The following PLEKHA6 variants were observed in gnomAD, a reference collection of about 807,000 sequenced individuals.
PLEKHA6 encodes the protein pleckstrin homology domain-containing family A member 6.
A neutral mutation model predicts 116.7 loss-of-function variants in PLEKHA6; 60 were observed. The observed-to-expected ratio is 0.51, with a 90% CI of 0.42 to 0.64. The LOEUF (loss-of-function observed/expected upper bound fraction) is 0.64. PLEKHA6 is among the 30% of genes least tolerant of loss of function. The pLI is 0.00. For missense variants in PLEKHA6, 1,338 were observed against 1,422.7 expected, an observed-to-expected ratio of 0.94 and a Z score of 0.96; for synonymous variants, 489 against 556.1, an observed-to-expected ratio of 0.88 and a Z score of 1.70.
intron 2 of PLEKHA6, chr1:204,369,201 A>G (rs914388575): frequency 9.9e-5 from 15 of 152,188 alleles, no homozygotes; most frequent in African/African-American, 3.4e-4. Flanking sequence ...TGCCTCTGCT[A>G]GTGCATTTAA....
At position 204,228,878 on chromosome 1, in the gene PLEKHA6, G is replaced by A; in HGVS notation, c.2752-17C>T. On this transcript the variant is annotated splice_polypyrimidine_tract_variant and intron_variant, in intron 19 of 22. Transcript: ENST00000272203. This position sits in a 1 kb window ranked among gnomAD's most constrained non-coding sequence, Gnocchi z 4.0. ...AGTGGAGAGCTATGGAGGGGCTGGG[G>A]TCACCACCTCTGTCCCTTCCCAGAG... 6.2e-7 allele frequency: 1 copy of A among 1,614,052 alleles called. No individual in the cohort carries two copies. Among genetic ancestry groups the A allele is most frequent in the Non-Finnish European group, 8.5e-7 (1 of 1,179,974 alleles).
At chr1:204,248,690 C>T (rs1037921392) in intron 12 of PLEKHA6, 131 bp downstream of exon 12, 6 of 714,432 alleles carry the variant, frequency 8.4e-6, no homozygotes, top group South Asian at 1.9e-5. Flanking sequence ...TTGTTTATGC[C>T]CCTCTGCACG....
chr1:204,280,949 C>T (rs4951348), intron 1 of PLEKHA6: 336,599 of 933,902 alleles, frequency 0.36, 62,027 homozygotes, highest in East Asian at 0.54. Context: ...CCTATTGCTG[C>T]CACATAAAGA....
At chr1:204,356,373 G>A (rs1359755735) in intron 1 of PLEKHA6, among the ~76,000 whole-genome samples, 1 of 152,120 alleles carries the variant, frequency 6.6e-6, no homozygotes, top group East Asian at 1.9e-4. Context: ...AGGAGTTCAA[G>A]ACCAGCCTGG....
At chr1:204,271,187 A>G (rs954545932) in intron 3 of PLEKHA6, among the ~76,000 whole-genome samples, 64 of 152,176 alleles carry the variant, frequency 4.2e-4, no homozygotes, top group African/African-American at 1.3e-3. Flanking sequence ...GCCCAAGACA[A>G]TCTTTCTTCT....
At chr1:204,346,998 C>T (rs1237529388) in intron 1 of PLEKHA6, 1 of 1,336,914 alleles carries the variant, frequency 7.5e-7, no homozygotes, top group African/African-American at 1.4e-5. Context: ...CATTAATTCT[C>T]TTGGCAAGAA....
chr1:204,244,844 T>G lies in PLEKHA6; in HGVS notation c.2172+20A>C. On this transcript the variant is annotated intron_variant, in intron 15 of 22. Coordinates refer to ENST00000272203, the MANE Select transcript of PLEKHA6 (RefSeq NM_014935.5). ...GGTCCTCCCTCCCCCACCTACCTTC[T>G]ACTCCATTTCTCAACTTACCTCGTT... The G allele has an allele frequency of 6.5e-7, 1 of 1,548,414 alleles. No individual in the cohort carries two copies. The highest frequency in any genetic ancestry group is 8.7e-7 in the Non-Finnish European group (1 of 1,145,126).
At chr1:204,236,052 G>A (rs1662002182) in intron 17 of PLEKHA6, among the ~76,000 whole-genome samples, 3 of 152,254 alleles carry the variant, frequency 2.0e-5, no homozygotes, top group East Asian at 1.9e-4. Flanking sequence ...TGCTACACTC[G>A]AACTGTTTGA....
intron 1 of PLEKHA6, among the ~76,000 whole-genome samples, chr1:204,341,352 G>C (rs1470164886): frequency 6.6e-6 from 1 of 152,222 alleles, no homozygotes; most frequent in East Asian, 1.9e-4. Context: ...GGAAAGGGTA[G>C]GGGCCCAGGA....
At chr1:204,262,833 A>G (rs1388188125) in intron 6 of PLEKHA6, among the ~76,000 whole-genome samples, 2 of 152,082 alleles carry the variant, frequency 1.3e-5, no homozygotes, top group African/African-American at 4.8e-5. Flanking sequence ...GGAGGTGTTG[A>G]CAAAAAGCCA....
At chr1:204,236,395 T>G (rs1341523132) in intron 17 of PLEKHA6, among the ~76,000 whole-genome samples, 1 of 152,162 alleles carries the variant, frequency 6.6e-6, no homozygotes, top group Non-Finnish European at 1.5e-5. Flanking sequence ...TTAGACCTAC[T>G]CATTCCAGCT....
At chr1:204,299,146 A>C (rs1332871144) in intron 1 of PLEKHA6, among the ~76,000 whole-genome samples, 1 of 152,238 alleles carries the variant, frequency 6.6e-6, no homozygotes, top group Non-Finnish European at 1.5e-5. Context: ...TTGTACCCAG[A>C]AGTCACAAAT....
At chr1:204,335,334 A>C (rs1482118429) in intron 1 of PLEKHA6, among the ~76,000 whole-genome samples, 1 of 152,042 alleles carries the variant, frequency 6.6e-6, no homozygotes, top group African/African-American at 2.4e-5. Context: ...CCAGCACTGC[A>C]GACAACTCCT....
chr1:204,251,898 C>G (rs901285686), intron 9 of PLEKHA6, among the ~76,000 whole-genome samples: 2 of 152,014 alleles, frequency 1.3e-5, no homozygotes, highest in Non-Finnish European at 2.9e-5. Flanking sequence ...TGGCTGTTGT[C>G]CCATCCGCAC....
intron 17 of PLEKHA6, 51 bp from the exon 18 acceptor site, chr1:204,230,637 G>GC: frequency 3.4e-6 from 5 of 1,483,202 alleles, no homozygotes; most frequent in Non-Finnish European, 4.6e-6. Context: ...CCCCCACCCA[G>GC]CTTTTCCATC....
At chr1:204,352,374 C>CAAAAAA (rs35132900) in intron 1 of PLEKHA6, among the ~76,000 whole-genome samples, 1 of 139,518 alleles carries the variant, frequency 7.2e-6, no homozygotes, top group South Asian at 2.2e-4. Context: ...GACTCCGTCT[C>CAAAAAA]AAAAAAAAAA....
intron 1 of PLEKHA6, among the ~76,000 whole-genome samples, chr1:204,281,245 G>C (rs958019865): frequency 6.6e-6 from 1 of 151,958 alleles, no homozygotes; most frequent in Admixed American, 6.6e-5. Flanking sequence ...AACAAAAAAG[G>C]CCGGGGGCGG....
At chr1:204,251,159 A>G (rs902392606) in intron 9 of PLEKHA6, among the ~76,000 whole-genome samples, 2 of 152,208 alleles carry the variant, frequency 1.3e-5, no homozygotes, top group African/African-American at 4.8e-5. Context: ...ACCACAGCAC[A>G]TTCTATACAC....
intron 1 of PLEKHA6, among the ~76,000 whole-genome samples, chr1:204,374,737 C>A (rs1673836466): frequency 6.6e-6 from 1 of 152,156 alleles, no homozygotes; most frequent in Non-Finnish European, 1.5e-5. Flanking sequence ...CACGCTGCCT[C>A]CCACTCAATG....
Sources: gnomAD v4.1 joint callset for allele counts (sites outside exome capture counted in the v4.1 genomes callset) on GRCh38, gnomAD v4.1.1 for gene constraint, Gnocchi (gnomAD v3.1) non-coding constraint, MANE v1.5 for transcripts, NCBI Gene and HGNC (gene_info 2026-07-23, HGNC 2026-07-21) for gene names.